The following FBXL13 variants were observed in gnomAD, a reference collection of about 807,000 sequenced individuals.
The protein encoded by FBXL13 is F-box and leucine rich repeat protein 13, also known as F-box and leucine-rich repeat protein 13.
Under a neutral mutation model 83.6 loss-of-function variants are expected in FBXL13, and 67 were observed. That is an observed-to-expected ratio of 0.80 (90% CI 0.66 to 0.98). The LOEUF (loss-of-function observed/expected upper bound fraction) is 0.98. Among genes scored for constraint, FBXL13 ranks in the 50% least tolerant of loss-of-function variants. The pLI is 0.00. For missense variants in FBXL13, 822 were observed against 866.5 expected (o/e 0.95, Z 0.64); for synonymous variants, 272 against 299.5 (o/e 0.91, Z 0.95).
intron 19 of FBXL13, among the ~76,000 whole-genome samples, chr7:102,815,899 A>T (rs1797934950): frequency 6.6e-6 from 1 of 152,198 alleles, no homozygotes; most frequent in South Asian, 2.1e-4. Flanking sequence ...GTTTGAGAAA[A>T]TAACAAGAAA....
chr7:103,053,441 C>A (rs193299628), intron 2 of FBXL13, among the ~76,000 whole-genome samples: 178 of 152,360 alleles, frequency 1.2e-3, no homozygotes, highest in Non-Finnish European at 2.1e-3. Context: ...GCATGAGCCA[C>A]CGCACCCAGC....
intron 14 of FBXL13, among the ~76,000 whole-genome samples, chr7:102,882,762 AAAAACAAAAC>A (rs142466646): frequency 0.19 from 28,470 of 150,556 alleles, 2,924 homozygotes; most frequent in East Asian, 0.42. Context: ...ACTCTGTCTC[AAAAACAAAAC>A]AAAACAAAAC....
chr7:102,937,506 CAA>C (rs10642422), intron 8 of FBXL13, among the ~76,000 whole-genome samples: 1 of 113,532 alleles, frequency 8.8e-6, no homozygotes, highest in African/African-American at 3.5e-5. Flanking sequence ...GACTCTGTCT[CAA>C]AAAAAAAAAA....
At chr7:102,951,686 A>G (rs2129477247) in intron 8 of FBXL13, among the ~76,000 whole-genome samples, 1 of 151,434 alleles carries the variant, frequency 6.6e-6, no homozygotes, top group South Asian at 2.1e-4. Context: ...GGCCACCTGT[A>G]GTCCTAGCTA....
At chr7:102,944,641 A>G (rs746501477) in intron 8 of FBXL13, 143 of 1,535,086 alleles carry the variant, frequency 9.3e-5, no homozygotes, top group Non-Finnish European at 1.1e-4. Flanking sequence ...TTAGTTTTGT[A>G]TTTTCTATAC....
intron 6 of FBXL13, among the ~76,000 whole-genome samples, chr7:102,989,076 G>T (rs896152041): frequency 6.6e-6 from 1 of 152,218 alleles, no homozygotes; most frequent in South Asian, 2.1e-4. Flanking sequence ...GCAGCCAAGG[G>T]AGTAGCAGGG....
chr7:102,998,363 G>C (rs975903690), intron 6 of FBXL13, among the ~76,000 whole-genome samples: 2 of 152,052 alleles, frequency 1.3e-5, no homozygotes, highest in African/African-American at 4.8e-5. Flanking sequence ...TCACTTTGTT[G>C]ACTGTTTTCT....
At chr7:102,984,575 T>C (rs1563186221) in intron 6 of FBXL13, among the ~76,000 whole-genome samples, 1 of 152,230 alleles carries the variant, frequency 6.6e-6, no homozygotes, top group Non-Finnish European at 1.5e-5. Flanking sequence ...GGCAGTTCAT[T>C]CATTCTTGGG....
rs1796367877 is a variant in FBXL13, at chr7:103,047,225, A to G, written c.-1+8419T>C. 2.0e-5 allele frequency among the ~76,000 whole-genome samples: 3 copies of G among 152,188 alleles called. No individual in the cohort carries two copies. In the South Asian group the frequency reaches 6.2e-4, roughly 32 times the overall value. Reference sequence around the variant, plus strand: ...GTTTTAAACTATTTTTGAAATGTATAAGTCATTATATCAATATATTCAATT... The same window carrying G: ...GTTTTAAACTATTTTTGAAATGTATGAGTCATTATATCAATATATTCAATT... On this transcript the variant is annotated intron_variant, in intron 2 of 19. Coordinates refer to ENST00000313221, the Ensembl canonical transcript of FBXL13.
chr7:103,001,493 A>G (rs1360539455), intron 6 of FBXL13, among the ~76,000 whole-genome samples: 1 of 152,132 alleles, frequency 6.6e-6, no homozygotes, highest in Non-Finnish European at 1.5e-5. Context: ...CGACTGGTAA[A>G]GTATTGTTTC....
intron 11 of FBXL13, among the ~76,000 whole-genome samples, chr7:102,902,461 G>A (rs894187174): frequency 1.3e-5 from 2 of 152,110 alleles, no homozygotes; most frequent in South Asian, 2.1e-4. Flanking sequence ...GTCCATGTTT[G>A]CTTTGGTTGC....
chr7:102,942,148 C>T (rs1241866635), intron 8 of FBXL13: 1 of 558,996 alleles, frequency 1.8e-6, no homozygotes, highest in East Asian at 3.0e-5. Context: ...GTATTTCCTA[C>T]ATTAATAAAT....
At chr7:102,845,353 A>AC in intron 17 of FBXL13, among the ~76,000 whole-genome samples, 1 of 152,140 alleles carries the variant, frequency 6.6e-6, no homozygotes, top group East Asian at 1.9e-4. Context: ...GATACCTATT[A>AC]CCCCTATTGC....
At chr7:102,882,240 C>T (rs978118864) in intron 14 of FBXL13, among the ~76,000 whole-genome samples, 8 of 151,898 alleles carry the variant, frequency 5.3e-5, no homozygotes, top group African/African-American at 1.7e-4. Flanking sequence ...GGCAATAGAG[C>T]AAGACCTTGT....
intron 6 of FBXL13, among the ~76,000 whole-genome samples, chr7:102,980,978 G>A (rs1458642928): frequency 6.6e-6 from 1 of 152,100 alleles, no homozygotes; most frequent in East Asian, 1.9e-4. Context: ...TTGCCTGTAT[G>A]TACTGGGAGG....
chr7:103,071,648 G>C (rs1294843138), intron 1 of FBXL13, among the ~76,000 whole-genome samples: 1 of 151,288 alleles, frequency 6.6e-6, no homozygotes, highest in Non-Finnish European at 1.5e-5. Context: ...ACCTGCCTTG[G>C]GCTCTCACAG....
chr7:102,862,308 G>A (rs1299302165), intron 16 of FBXL13, among the ~76,000 whole-genome samples: 7 of 145,828 alleles, frequency 4.8e-5, no homozygotes, highest in Middle Eastern at 3.4e-3. Flanking sequence ...CAGTCTGGGC[G>A]ACAGAGGGAG....
intron 19 of FBXL13, 137 bp from the exon 21 acceptor site, chr7:102,813,668 G>C: frequency 1.2e-6 from 1 of 833,776 alleles, no homozygotes; most frequent in Non-Finnish European, 1.9e-6. Context: ...GCCTTGCTGA[G>C]AGTGAGGATA....
intron 16 of FBXL13, among the ~76,000 whole-genome samples, chr7:102,858,687 T>C (rs1806380343): frequency 6.6e-6 from 1 of 152,252 alleles, no homozygotes; most frequent in Non-Finnish European, 1.5e-5. Context: ...TGCATGCTAC[T>C]ATATGAACGA....
Sources: gnomAD v4.1 joint callset for allele counts (sites outside exome capture counted in the v4.1 genomes callset) on GRCh38, gnomAD v4.1.1 for gene constraint, MANE v1.5 for transcripts, NCBI Gene and HGNC (gene_info 2026-07-23, HGNC 2026-07-21) for gene names.